The following SGPP2 variants were observed in gnomAD, a reference collection of about 807,000 sequenced individuals.
SGPP2 encodes the protein sphingosine-1-phosphate phosphatase 2, also known as sphingosine 1-phosphate phosphohydrolase 2.
In SGPP2, 30 loss-of-function variants were observed where a neutral mutation model predicts 33.9. The ratio of observed to expected loss-of-function variants is 0.89; its 90% CI spans 0.66 to 1.20. The LOEUF is 1.20. Among genes scored for constraint, SGPP2 ranks in the 50% most tolerant of loss-of-function variants. The pLI, the probability that SGPP2 is intolerant of heterozygous loss-of-function variation, is 0.00. For synonymous variants in SGPP2, 233 were observed against 225.0 expected (o/e 1.04, Z -0.32); for missense variants, 458 against 532.1 (o/e 0.86, Z 1.37).
At chr2:222,501,951 C>G (rs949428379) in intron 2 of SGPP2, among the ~76,000 whole-genome samples, 1 of 151,972 alleles carries the variant, frequency 6.6e-6, no homozygotes, top group Non-Finnish European at 1.5e-5. Context: ...CAAATGCTTT[C>G]TCAATCTTTA....
chr2:222,498,159 CCAT>C (rs1473842814), intron 2 of SGPP2: 3 of 152,114 alleles, frequency 2.0e-5, no homozygotes, highest in Admixed American at 1.3e-4. Flanking sequence ...GTTGCCTCAA[CCAT>C]CAACTCACCC....
rs1214422084 is a variant in SGPP2, at chr2:222,460,749, C to T, written c.220-13819C>T. 6.6e-6 allele frequency among the ~76,000 whole-genome samples: 1 copy of T among 152,208 alleles called. No homozygotes were observed. Among genetic ancestry groups the T allele is most frequent in the Non-Finnish European group, 1.5e-5 (1 of 68,038 alleles). ...CTCTGTCGTGGACCAGGTACTGTTT[C>T]AGGAACACGGTGCCTCACAGCTTCC... On this transcript the variant is annotated intron_variant, in intron 1 of 4. Transcript: ENST00000321276. This position sits in a 1 kb window ranked among gnomAD's most constrained non-coding sequence, Gnocchi z 4.3.
At chr2:222,520,715 A>G in intron 2 of SGPP2, among the ~76,000 whole-genome samples, 1 of 109,626 alleles carries the variant, frequency 9.1e-6, no homozygotes. Flanking sequence ...TGACAGAGTG[A>G]GACTCTGAAA....
At chr2:222,546,395 C>G (rs1435689059) in intron 4 of SGPP2, among the ~76,000 whole-genome samples, 3 of 152,158 alleles carry the variant, frequency 2.0e-5, no homozygotes, top group Non-Finnish European at 1.5e-5. Context: ...TTGAAACATA[C>G]TTAATAACAA....
intron 1 of SGPP2, among the ~76,000 whole-genome samples, chr2:222,427,257 T>C (rs1474316795): frequency 2.0e-5 from 3 of 152,182 alleles, no homozygotes; most frequent in Non-Finnish European, 4.4e-5. Context: ...TATAAAATTA[T>C]AGTTTTAAAC....
rs75989307 is a variant in SGPP2, at chr2:222,556,126, T to C, written c.649-2221T>C. On this transcript the variant is annotated intron_variant, in intron 4 of 4. Coordinates refer to ENST00000321276, the MANE Select transcript of SGPP2 (RefSeq NM_152386.4). The stretch of plus-strand genomic sequence containing the variant: ...TGGCCTTTGAGAGTGGCGTATCATC[T>C]GAGTGCAGGAGCTTAGAAGCAGCTG... Among the ~76,000 whole-genome samples, 1,167 of 152,276 alleles carry C rather than the reference T, an allele frequency of 7.7e-3. 14 individuals carry two copies. The highest frequency in any genetic ancestry group is 0.027 in the African/African-American group (1,122 of 41,562).
chr2:222,486,888 T>A (rs554749674), intron 2 of SGPP2, among the ~76,000 whole-genome samples: 2 of 152,214 alleles, frequency 1.3e-5, no homozygotes, highest in African/African-American at 2.4e-5. Context: ...CATTTTTCAT[T>A]TTGTGGGTAG....
chr2:222,436,982 C>T (rs1313767215), intron 1 of SGPP2, among the ~76,000 whole-genome samples: 2 of 152,152 alleles, frequency 1.3e-5, no homozygotes, highest in Non-Finnish European at 2.9e-5. Context: ...CCTCCATGGC[C>T]ACTTTGTTCA....
intron 2 of SGPP2, among the ~76,000 whole-genome samples, chr2:222,499,705 C>T (rs1574863062): frequency 6.6e-6 from 1 of 152,316 alleles, no homozygotes; most frequent in East Asian, 1.9e-4. Flanking sequence ...GCAAAGGAAA[C>T]AATGTCCATA....
rs1689506871 is a variant in SGPP2, at chr2:222,559,961, A to G, written c.*1063A>G. The G allele has an allele frequency of 6.6e-6, 1 of 152,282 alleles. No homozygotes were observed. Among genetic ancestry groups the G allele is most frequent in the Admixed American group, 6.5e-5 (1 of 15,278 alleles). 9.4% of individuals were successfully genotyped at this position (152,282 alleles called of 1,614,324 possible). On this transcript the variant is annotated 3_prime_UTR_variant, in exon 5 of 5. Transcript: ENST00000321276. Reference sequence around the variant, plus strand: ...TGCATTTTGCAGGATTCCAGGTACCATTACCACACTCTTCTGACCCATGAA... The same window carrying G: ...TGCATTTTGCAGGATTCCAGGTACCGTTACCACACTCTTCTGACCCATGAA...
At chr2:222,444,310 G>C (rs182710199) in intron 1 of SGPP2, among the ~76,000 whole-genome samples, 1 of 152,198 alleles carries the variant, frequency 6.6e-6, no homozygotes, top group African/African-American at 2.4e-5. Flanking sequence ...CAGGATTTGC[G>C]TGGTAGGAGT....
At chr2:222,464,890 T>A (rs776085469) in intron 1 of SGPP2, among the ~76,000 whole-genome samples, 11 of 152,180 alleles carry the variant, frequency 7.2e-5, no homozygotes, top group Non-Finnish European at 1.0e-4. Flanking sequence ...TGTCTCACAA[T>A]TTCAAGAATT....
At position 222,424,715 on chromosome 2, in the gene SGPP2, C is replaced by G. The variant is rs1167717030; in HGVS notation, c.113C>G (p.Pro38Arg). The G allele has an allele frequency of 6.9e-7, 1 of 1,441,284 alleles. No individual in the cohort carries two copies. The highest frequency in any genetic ancestry group is 1.5e-5 in the African/African-American group (1 of 67,634). 89.3% of individuals were successfully genotyped at this position (1,441,284 alleles called of 1,614,324 possible). ...GGCCCCCGGGAGAACGGCGCGGACC[C>G]CACGGAGCGCGCGGCGCGGGTCCCC... ...DEGPRENGAD[P>R]TERAARVPGV... Residue 38 changes from proline to arginine, a missense_variant, in exon 1 of 5, where the codon CCC (proline) becomes CGC (arginine). By Grantham distance (103) the Pro-to-Arg change is moderately radical (BLOSUM62 -2). Coordinates refer to ENST00000321276, the MANE Select transcript of SGPP2 (RefSeq NM_152386.4).
At chr2:222,440,404 G>A (rs1323785602) in intron 1 of SGPP2, among the ~76,000 whole-genome samples, 1 of 151,560 alleles carries the variant, frequency 6.6e-6, no homozygotes, top group Non-Finnish European at 1.5e-5. Flanking sequence ...AGTGCAGGGT[G>A]CAACCTCAGC....
intron 4 of SGPP2, among the ~76,000 whole-genome samples, chr2:222,546,548 A>T (rs377117176): frequency 2.6e-5 from 4 of 152,162 alleles, no homozygotes; most frequent in African/African-American, 9.7e-5. Flanking sequence ...TGTAGAAGGG[A>T]TATAAAGTAT....
intron 2 of SGPP2, among the ~76,000 whole-genome samples, chr2:222,488,668 G>A (rs1164767024): frequency 6.6e-6 from 1 of 152,184 alleles, no homozygotes; most frequent in South Asian, 2.1e-4. Context: ...TTCCATGTGA[G>A]TTCAGGGCTC....
chr2:222,442,353 C>G (rs1467382674), intron 1 of SGPP2, among the ~76,000 whole-genome samples: 5 of 152,156 alleles, frequency 3.3e-5, no homozygotes, highest in Non-Finnish European at 7.3e-5. Context: ...CATCTGGTGA[C>G]AGTGGTTGAA....
chr2:222,551,947 G>A (rs1689301025), intron 4 of SGPP2, among the ~76,000 whole-genome samples: 1 of 152,206 alleles, frequency 6.6e-6, no homozygotes, highest in Non-Finnish European at 1.5e-5. Flanking sequence ...CCACTTTTGA[G>A]TGACAGCATA....
chr2:222,515,239 T>A (rs187792235), intron 2 of SGPP2, among the ~76,000 whole-genome samples: 8 of 152,292 alleles, frequency 5.3e-5, no homozygotes, highest in South Asian at 4.1e-4. Flanking sequence ...GATCTCCCAG[T>A]AGGCTAAAGA....
Sources: gnomAD v4.1 joint callset for allele counts (sites outside exome capture counted in the v4.1 genomes callset) on GRCh38, gnomAD v4.1.1 for gene constraint, Gnocchi (gnomAD v3.1) non-coding constraint, MANE v1.5 for transcripts, NCBI Gene and HGNC (gene_info 2026-07-23, HGNC 2026-07-21) for gene names.